LYPLAL1: variants seen among roughly 807,000 people sequenced by gnomAD.
LYPLAL1 encodes lysophospholipase-like protein 1.
In LYPLAL1, 23 loss-of-function variants were observed where a neutral mutation model predicts 19.7. The observed-to-expected ratio is 1.17, with a 90% CI of 0.84 to 1.65. LYPLAL1 has a LOEUF of 1.65. Among genes scored for constraint, LYPLAL1 ranks in the 40% most tolerant of loss-of-function variants. The probability of loss-of-function intolerance (pLI) is 0.00; values close to 1 mark genes in which losing one functional copy is unlikely to be tolerated. For missense variants in LYPLAL1, 355 were observed against 279.4 expected (o/e 1.27, Z -1.93); for synonymous variants, 119 against 96.3 (o/e 1.24, Z -1.38).
At chr1:219,328,244 C>T in the LYPLAL1 span, among the ~76,000 whole-genome samples, 2 of 152,216 alleles carry the variant, frequency 1.3e-5, no homozygotes, top group Non-Finnish European at 2.9e-5. Context: ...CGGTTTCTCA[C>T]TCATGCACAT....
chr1:219,383,964 G>A, the LYPLAL1 span, among the ~76,000 whole-genome samples: 2 of 152,070 alleles, frequency 1.3e-5, no homozygotes, highest in African/African-American at 4.8e-5. Context: ...AAGTAAAAAG[G>A]CTTCTTGGGA....
the LYPLAL1 span, among the ~76,000 whole-genome samples, chr1:219,336,887 C>T: frequency 6.6e-6 from 1 of 151,930 alleles, no homozygotes; most frequent in Non-Finnish European, 1.5e-5. Context: ...CCTAGGTCTG[C>T]TTTCAAAATT....
At chr1:219,193,646 A>G (rs1013820066) in intron 3 of LYPLAL1, among the ~76,000 whole-genome samples, 2 of 151,896 alleles carry the variant, frequency 1.3e-5, no homozygotes, top group Non-Finnish European at 2.9e-5. Context: ...TATGAAAATT[A>G]TAATCTTCAG....
At chr1:219,343,213 T>C in the LYPLAL1 span, among the ~76,000 whole-genome samples, 4 of 152,194 alleles carry the variant, frequency 2.6e-5, no homozygotes, top group Admixed American at 6.5e-5. Context: ...ACAAAATTCA[T>C]GAAAATGATG....
At chr1:219,304,339 A>G in the LYPLAL1 span, among the ~76,000 whole-genome samples, 14,894 of 152,322 alleles carry the variant, frequency 0.098, 810 homozygotes, top group African/African-American at 0.11. Flanking sequence ...GTTTAATTCA[A>G]GCAGACAGAG....
intron 2 of LYPLAL1, among the ~76,000 whole-genome samples, chr1:219,189,476 C>T (rs1411812827): frequency 6.6e-6 from 1 of 151,538 alleles, no homozygotes; most frequent in African/African-American, 2.4e-5. Context: ...TAACTCAAAA[C>T]TAGTTAAGAA....
At chr1:219,246,189 C>G in the LYPLAL1 span, among the ~76,000 whole-genome samples, 1 of 152,122 alleles carries the variant, frequency 6.6e-6, no homozygotes, top group South Asian at 2.1e-4. Context: ...AGATGCCATC[C>G]GTGGTCCGTA....
At chr1:219,389,845 AAAGGCAATAT>A in the LYPLAL1 span, among the ~76,000 whole-genome samples, 2 of 152,216 alleles carry the variant, frequency 1.3e-5, no homozygotes, top group Non-Finnish European at 2.9e-5. Flanking sequence ...AATGGATGAT[AAAGGCAATAT>A]TTGCAATAAA....
chr1:219,236,264 A>C, the LYPLAL1 span, among the ~76,000 whole-genome samples: 1 of 152,180 alleles, frequency 6.6e-6, no homozygotes, highest in East Asian at 1.9e-4. Flanking sequence ...GGAGAGGCTA[A>C]GTTTTCAACA....
At chr1:219,246,420 C>G in the LYPLAL1 span, among the ~76,000 whole-genome samples, 1 of 152,040 alleles carries the variant, frequency 6.6e-6, no homozygotes, top group African/African-American at 2.4e-5. Context: ...TTATCTAGGT[C>G]TGATTTCTCA....
chr1:219,193,032 A>G (rs1415499121), intron 2 of LYPLAL1, 50 bp from the exon 3 acceptor site: 4 of 1,475,854 alleles, frequency 2.7e-6, no homozygotes, highest in Non-Finnish European at 3.6e-6. Context: ...ATCCATTTTC[A>G]TATTCCCTTT....
At position 219,193,240 on chromosome 1, in the gene LYPLAL1, G is replaced by A. The variant is rs1657339103; in HGVS notation, c.350G>A (p.Arg117Lys). The part of the protein sequence containing the change: ...EEVKSGIKKN[R>K]ILIGGFSMGG... Reference sequence around the variant, plus strand: ...GTAAAAAGTGGCATCAAGAAGAACAGGATATTAATAGGTAAGACCTTTAAA... The same window carrying A: ...GTAAAAAGTGGCATCAAGAAGAACAAGATATTAATAGGTAAGACCTTTAAA... The change falls in exon 3 of 5, where the codon AGG (arginine) becomes AAG (lysine). Residue 117 changes from arginine to lysine, a missense_variant. Physicochemically the swap from Arg to Lys is conservative, Grantham distance 26. Transcript: ENST00000366928. 1.2e-6 allele frequency: 2 copies of A among 1,608,368 alleles called. No homozygotes were observed. The highest frequency in any genetic ancestry group is 1.7e-5 in the Admixed American group (1 of 59,650).
chr1:219,284,029 T>G, the LYPLAL1 span, among the ~76,000 whole-genome samples: 1 of 152,164 alleles, frequency 6.6e-6, no homozygotes, highest in Non-Finnish European at 1.5e-5. Context: ...TGGGGATGGT[T>G]CCCTCCATGC....
the LYPLAL1 span, among the ~76,000 whole-genome samples, chr1:219,280,813 C>A: frequency 1.9e-4 from 29 of 152,236 alleles, no homozygotes; most frequent in African/African-American, 7.0e-4. Flanking sequence ...TTTGGGAGGC[C>A]TAGACAGGCA....
chr1:219,351,376 C>CAGAG, the LYPLAL1 span, among the ~76,000 whole-genome samples: 1 of 151,860 alleles, frequency 6.6e-6, no homozygotes, highest in Non-Finnish European at 1.5e-5. Flanking sequence ...AATAATAGAG[C>CAGAG]AGAGAGAGAA....
chr1:219,338,097 A>G, the LYPLAL1 span, among the ~76,000 whole-genome samples: 1 of 151,968 alleles, frequency 6.6e-6, no homozygotes, highest in Non-Finnish European at 1.5e-5. Flanking sequence ...CGTGGTTTGG[A>G]TGGAACTTAC....
At chr1:219,292,540 G>A in the LYPLAL1 span, among the ~76,000 whole-genome samples, 3 of 152,110 alleles carry the variant, frequency 2.0e-5, no homozygotes, top group South Asian at 2.1e-4. Flanking sequence ...TGCTTCTTCT[G>A]TCAGAGTCCC....
chr1:219,193,211 A>G lies in LYPLAL1; in HGVS notation c.321A>G (p.Glu107=). The change falls in exon 3 of 5, where the codon GAA becomes GAG. Residue 107 remains glutamate (E), a synonymous_variant. Transcript: ENST00000366928. ...AAGTGCTTACTGATTTGATTGATGA[A>G]GAAGTAAAAAGTGGCATCAAGAAGA... is the stretch of plus-strand genomic sequence containing the variant. ...MCQVLTDLID[E]EVKSGIKKNR... 6.2e-7 allele frequency: 1 copy of G among 1,610,596 alleles called. No individual in the cohort carries two copies. Among genetic ancestry groups the G allele is most frequent in the Non-Finnish European group, 8.5e-7 (1 of 1,177,710 alleles).
chr1:219,200,011 A>C, intron 3 of LYPLAL1: 1 of 232,810 alleles, frequency 4.3e-6, no homozygotes. Flanking sequence ...TCCTTTGTTC[A>C]CTCAGTGAGC....
Sources: gnomAD v4.1 joint callset for allele counts (sites outside exome capture counted in the v4.1 genomes callset) on GRCh38, gnomAD v4.1.1 for gene constraint, MANE v1.5 for transcripts, NCBI Gene and HGNC (gene_info 2026-07-23, HGNC 2026-07-21) for gene names.